The following EHMT1 variants were observed in gnomAD, a reference collection of about 807,000 sequenced individuals.
EHMT1 encodes histone-lysine N-methyltransferase EHMT1.
EHMT1 carries 15 observed loss-of-function variants against 147.2 expected under a neutral mutation model. The observed-to-expected ratio is 0.10, with a 90% CI of 0.07 to 0.16. The LOEUF (loss-of-function observed/expected upper bound fraction) is 0.16. Ranked by LOEUF, EHMT1 falls within the 10% of genes least tolerant of loss-of-function variation. The probability of loss-of-function intolerance (pLI) is 1.00; values close to 1 mark genes in which losing one functional copy is unlikely to be tolerated. For missense variants in EHMT1, 1,587 were observed against 1,772.4 expected (o/e 0.90, Z 1.88); for synonymous variants, 795 against 709.6 (o/e 1.12, Z -1.91).
intron 10 of EHMT1, among the ~76,000 whole-genome samples, chr9:137,771,464 C>T (rs1950578717): frequency 6.6e-6 from 1 of 152,134 alleles, no homozygotes; most frequent in Non-Finnish European, 1.5e-5. Flanking sequence ...GGTTTACAGC[C>T]GTGAGCCATT....
chr9:137,693,139 A>G (rs991657846), intron 1 of EHMT1, among the ~76,000 whole-genome samples: 1 of 152,078 alleles, frequency 6.6e-6, no homozygotes, highest in Non-Finnish European at 1.5e-5. Flanking sequence ...CGTAGGGGAG[A>G]TGGGCTGAGG....
chr9:137,778,665 T>A (rs1310448694), intron 13 of EHMT1, among the ~76,000 whole-genome samples: 1 of 152,144 alleles, frequency 6.6e-6, no homozygotes, highest in Non-Finnish European at 1.5e-5. Context: ...AGACTGTTCC[T>A]GACCCACAGG....
At chr9:137,829,956 T>C (rs1171878580) in intron 25 of EHMT1, among the ~76,000 whole-genome samples, 3 of 152,266 alleles carry the variant, frequency 2.0e-5, no homozygotes, top group African/African-American at 2.4e-5. Context: ...GCTTTGTGGT[T>C]ACTCCTCAGA....
chr9:137,822,295 C>T (rs118176180), intron 25 of EHMT1, among the ~76,000 whole-genome samples: 1,938 of 152,340 alleles, frequency 0.013, 15 homozygotes, highest in South Asian at 0.03. Context: ...GGTGGGCCTC[C>T]GTCCTTTCCA....
rs930434132 is a variant in EHMT1, at chr9:137,781,782, A to G, written c.2276-509A>G. 2.0e-5 allele frequency among the ~76,000 whole-genome samples: 3 copies of G among 152,190 alleles called. No homozygotes were observed. In the East Asian group the frequency reaches 5.8e-4, roughly 29 times the overall value. On this transcript the variant is annotated intron_variant, in intron 14 of 26. Transcript: ENST00000460843. The stretch of plus-strand genomic sequence containing the variant: ...GAAGTGAAACTATTTGCTTTTAAAG[A>G]AAGGTTTATTTATGTTGACCAGCAG...
At chr9:137,704,440 T>G (rs1944084197) in intron 1 of EHMT1, among the ~76,000 whole-genome samples, 1 of 152,186 alleles carries the variant, frequency 6.6e-6, no homozygotes, top group African/African-American at 2.4e-5. Context: ...GGTTTTAATT[T>G]TAAGAAACAT....
intron 10 of EHMT1, among the ~76,000 whole-genome samples, chr9:137,772,623 G>T (rs148107013): frequency 6.6e-6 from 1 of 152,234 alleles, no homozygotes; most frequent in African/African-American, 2.4e-5. Context: ...GCAGGTTTGG[G>T]TTATCTCTAC....
chr9:137,626,029 A>AT lies in EHMT1; in HGVS notation c.21+6997dup, dbSNP rs768825527. 3.7e-3 allele frequency among the ~76,000 whole-genome samples: 410 copies of AT among 111,532 alleles called. 2 individuals are homozygous for AT. Among genetic ancestry groups the AT allele is most frequent in the South Asian group, 0.019 (68 of 3,594 alleles). 73.2% of individuals were successfully genotyped at this position (111,532 alleles called of 152,430 possible). On this transcript the variant is annotated intron_variant, in intron 1 of 26. Transcript: ENST00000460843. ...CACCACCAAGCCTGGCTAATTTTGT[A>AT]TTTTTTTTTTTTTTTTTAGTAGAGT...
intron 1 of EHMT1, chr9:137,685,306 C>G (rs1467665015): frequency 6.6e-6 from 1 of 152,160 alleles, no homozygotes; most frequent in Non-Finnish European, 1.5e-5. Flanking sequence ...GACTTTTTGT[C>G]TCTGAATTTG....
In EHMT1 at chr9:137,716,850, G is replaced by C; in HGVS notation, c.310G>C (p.Ala104Pro). The C allele has an allele frequency of 6.2e-7, 1 of 1,613,298 alleles. No homozygotes were observed. Among genetic ancestry groups the C allele is most frequent in the Non-Finnish European group, 8.5e-7 (1 of 1,179,896 alleles). Residue 104 changes from alanine to proline, a missense_variant, in exon 3 of 27, where the codon GCG becomes CCG. Coordinates refer to ENST00000460843, the MANE Select transcript of EHMT1 (RefSeq NM_024757.5). ...GGTTTCAGAAAGAGACTCAGAAGCG[G>C]CGAAGCAAAACCACGTCACTGCCGA... is the stretch of plus-strand genomic sequence containing the variant. ...NGVSERDSEA[A>P]KQNHVTADDF... is the part of the protein sequence containing the mutation.
chr9:137,793,389 T>G (rs1952668054), intron 16 of EHMT1, among the ~76,000 whole-genome samples: 1 of 152,298 alleles, frequency 6.6e-6, no homozygotes, highest in East Asian at 1.9e-4. Flanking sequence ...GAGCCACAGG[T>G]GAGACGCACC....
chr9:137,826,997 C>G (rs1169876878), intron 25 of EHMT1, among the ~76,000 whole-genome samples: 4 of 152,232 alleles, frequency 2.6e-5, no homozygotes. Context: ...CCTTGACTCG[C>G]TTGTCATGTT....
rs1950947566 is a variant in EHMT1, at chr9:137,776,234, G to A, written c.1792-384G>A. On this transcript the variant is annotated intron_variant, in intron 11 of 26. Coordinates refer to ENST00000460843, the MANE Select transcript of EHMT1 (RefSeq NM_024757.5). This position sits in a 1 kb window ranked among gnomAD's most constrained non-coding sequence, Gnocchi z 4.4. Reference sequence around the variant, plus strand: ...CTGCTGCGCACTGCTGGGCACTGAGGCAGCTCCACCTGCCTGATGCTGTGC... The same window carrying A: ...CTGCTGCGCACTGCTGGGCACTGAGACAGCTCCACCTGCCTGATGCTGTGC... 6.6e-6 allele frequency among the ~76,000 whole-genome samples: 1 copy of A among 152,206 alleles called. No individual in the cohort carries two copies. Among genetic ancestry groups the A allele is most frequent in the South Asian group, 2.1e-4 (1 of 4,828 alleles).
intron 1 of EHMT1, chr9:137,685,394 G>A (rs1942340679): frequency 6.6e-6 from 1 of 152,186 alleles, no homozygotes; most frequent in African/African-American, 2.4e-5. Context: ...TGTAGCATAA[G>A]GTTTTCAAGA....
At chr9:137,805,471 T>C (rs892152675) in intron 18 of EHMT1, among the ~76,000 whole-genome samples, 14 of 152,364 alleles carry the variant, frequency 9.2e-5, no homozygotes, top group African/African-American at 3.1e-4. Context: ...GGCCCTCTCT[T>C]TTGATGCATT....
intron 8 of EHMT1, among the ~76,000 whole-genome samples, chr9:137,757,387 C>T (rs1172226847): frequency 6.6e-6 from 1 of 152,210 alleles, no homozygotes; most frequent in African/African-American, 2.4e-5. Flanking sequence ...CCAGGACGCC[C>T]GGGAGGTCAT....
chr9:137,668,726 G>A (rs886543041), intron 1 of EHMT1, among the ~76,000 whole-genome samples: 28 of 123,218 alleles, frequency 2.3e-4, no homozygotes, highest in Admixed American at 6.7e-4. Flanking sequence ...ACTTAACTTA[G>A]TGTTTTCTTT....
At chr9:137,761,627 A>ATT (rs112611649) in intron 9 of EHMT1, among the ~76,000 whole-genome samples, 2 of 145,604 alleles carry the variant, frequency 1.4e-5, no homozygotes, top group Non-Finnish European at 3.0e-5. Flanking sequence ...TAATTTTTGT[A>ATT]TTTTTTTTTT....
chr9:137,721,088 C>A (rs1052388137), intron 3 of EHMT1, among the ~76,000 whole-genome samples: 1 of 151,882 alleles, frequency 6.6e-6, no homozygotes, highest in African/African-American at 2.4e-5. Context: ...TTCCTCGAGG[C>A]TTCAGCGTGC....
Sources: gnomAD v4.1 joint callset for allele counts (sites outside exome capture counted in the v4.1 genomes callset) on GRCh38, gnomAD v4.1.1 for gene constraint, Gnocchi (gnomAD v3.1) non-coding constraint, MANE v1.5 for transcripts, NCBI Gene and HGNC (gene_info 2026-07-23, HGNC 2026-07-21) for gene names.